Variants in CACNB4 observed in about 807,000 individuals in gnomAD.
CACNB4 encodes calcium voltage-gated channel auxiliary subunit beta 4.
Under a neutral mutation model 71.2 loss-of-function variants are expected in CACNB4, and 32 were observed. The observed-to-expected ratio is 0.45, with a 90% CI of 0.34 to 0.60. CACNB4 has a LOEUF of 0.60. CACNB4 is among the 20% of genes least tolerant of loss of function. CACNB4 has a pLI of 0.01. For missense variants in CACNB4, 464 were observed against 647.9 expected (o/e 0.72, Z 3.08); for synonymous variants, 231 against 236.9 (o/e 0.97, Z 0.23).
intron 2 of CACNB4, among the ~76,000 whole-genome samples, chr2:152,074,473 T>C (rs1686884526): frequency 6.7e-6 from 1 of 148,870 alleles, no homozygotes; most frequent in African/African-American, 2.5e-5. Flanking sequence ...CTATCACTAC[T>C]ACTGTCCCCA....
chr2:152,064,526 A>G (rs972143392), intron 2 of CACNB4, among the ~76,000 whole-genome samples: 13 of 152,106 alleles, frequency 8.5e-5, no homozygotes, highest in Non-Finnish European at 1.6e-4. Context: ...GATTACAGGC[A>G]CGCCACACCA....
intron 2 of CACNB4, among the ~76,000 whole-genome samples, chr2:151,986,191 C>T (rs924307275): frequency 6.6e-6 from 1 of 152,130 alleles, no homozygotes; most frequent in African/African-American, 2.4e-5. Context: ...CAAGGTGGCA[C>T]AATAGTGCCC....
At chr2:151,875,344 A>C (rs770613) in intron 5 of CACNB4, among the ~76,000 whole-genome samples, 88,384 of 136,768 alleles carry the variant, frequency 0.65, 30,493 homozygotes, top group Non-Finnish European at 0.79. Context: ...CCAAGGCAGA[A>C]GAATTTTTCT....
intron 2 of CACNB4, among the ~76,000 whole-genome samples, chr2:151,900,023 A>G (rs149075752): frequency 6.6e-5 from 10 of 152,340 alleles, no homozygotes; most frequent in African/African-American, 2.2e-4. Flanking sequence ...TTGGGGGAAC[A>G]GAAAACCTCA....
chr2:151,999,336 C>T (rs1413210407), intron 2 of CACNB4, among the ~76,000 whole-genome samples: 1 of 151,148 alleles, frequency 6.6e-6, no homozygotes, highest in African/African-American at 2.4e-5. Context: ...AATTTCTTTC[C>T]AGTTGATGGT....
chr2:152,085,825 A>C (rs10188761), intron 2 of CACNB4, among the ~76,000 whole-genome samples: 11,123 of 149,814 alleles, frequency 0.074, 901 homozygotes, highest in African/African-American at 0.2. Flanking sequence ...AAAAAAAAAA[A>C]AAACAAACAA....
At chr2:151,875,876 C>T (rs770615) in intron 5 of CACNB4, among the ~76,000 whole-genome samples, 122 of 129,978 alleles carry the variant, frequency 9.4e-4, no homozygotes, top group South Asian at 3.7e-3. Context: ...CCGGACGGGG[C>T]GGCTGGCCGG....
intron 2 of CACNB4, among the ~76,000 whole-genome samples, chr2:151,933,043 T>C (rs1470300539): frequency 6.6e-6 from 1 of 151,814 alleles, no homozygotes; most frequent in Non-Finnish European, 1.5e-5. Context: ...TTTGGACTTG[T>C]AGCTTTCAGA....
At chr2:152,009,366 G>C (rs764276019) in intron 2 of CACNB4, among the ~76,000 whole-genome samples, 18 of 152,144 alleles carry the variant, frequency 1.2e-4, no homozygotes, top group Admixed American at 3.3e-4. Flanking sequence ...TATCCTGGAT[G>C]AAATCATGGG....
intron 2 of CACNB4, among the ~76,000 whole-genome samples, chr2:152,022,523 G>A (rs754444480): frequency 5.9e-5 from 9 of 152,106 alleles, no homozygotes; most frequent in Non-Finnish European, 8.8e-5. Flanking sequence ...TTTTAAGTTG[G>A]ACAAGAAGTG....
chr2:151,876,250 G>A (rs2099846219), intron 5 of CACNB4, among the ~76,000 whole-genome samples, 176 bp downstream of exon 5: 1 of 152,126 alleles, frequency 6.6e-6, no homozygotes, highest in Non-Finnish European at 1.5e-5. Context: ...ATGGTCTCCA[G>A]TGGTGTTAGG....
intron 2 of CACNB4, among the ~76,000 whole-genome samples, chr2:152,063,476 T>C (rs950302582): frequency 3.9e-5 from 6 of 152,164 alleles, no homozygotes; most frequent in Non-Finnish European, 7.3e-5. Flanking sequence ...GCAATCTTGC[T>C]CTAGAGGCTG....
Position 151,839,020 on chromosome 2 carries a change from G to T in CACNB4, c.*99C>A. On this transcript the variant is annotated 3_prime_UTR_variant, in exon 14 of 14. Transcript: ENST00000539935. ...AAAATGACAGCAGCCCATTAGCACA[G>T]TAAATACTGTGCTATGTTAGCCAAG... is the stretch of plus-strand genomic sequence containing the variant. The T allele has an allele frequency of 9.0e-7, 1 of 1,108,974 alleles. No homozygotes were observed. The highest frequency in any genetic ancestry group is 1.3e-6 in the Non-Finnish European group (1 of 772,168). 68.7% of individuals were successfully genotyped at this position (1,108,974 alleles called of 1,614,324 possible). A position where few individuals can be genotyped will look rare whatever the true frequency, so the allele number is the denominator to read the frequency against.
At chr2:151,894,315 C>T (rs920997723) in intron 2 of CACNB4, among the ~76,000 whole-genome samples, 12 of 152,142 alleles carry the variant, frequency 7.9e-5, no homozygotes, top group African/African-American at 2.9e-4. Context: ...CACATTGCAT[C>T]AACAGACTGA....
chr2:151,854,418 G>C (rs547982195), intron 11 of CACNB4: 1 of 152,338 alleles, frequency 6.6e-6, no homozygotes, highest in African/African-American at 2.4e-5. Context: ...ATCTGGAGGA[G>C]AGTACAGCTT....
At chr2:152,054,742 T>C (rs1685638003) in intron 2 of CACNB4, among the ~76,000 whole-genome samples, 1 of 152,184 alleles carries the variant, frequency 6.6e-6, no homozygotes, top group African/African-American at 2.4e-5. Flanking sequence ...AAATTATCTG[T>C]CTTTTTTATT....
chr2:151,925,446 C>T (rs977709692), intron 2 of CACNB4, among the ~76,000 whole-genome samples: 3 of 152,164 alleles, frequency 2.0e-5, no homozygotes, highest in Non-Finnish European at 2.9e-5. Flanking sequence ...GGGTACCAAA[C>T]CTACAGAGCT....
At chr2:151,997,652 G>A (rs1682139457) in intron 2 of CACNB4, among the ~76,000 whole-genome samples, 1 of 152,146 alleles carries the variant, frequency 6.6e-6, no homozygotes, top group Non-Finnish European at 1.5e-5. Flanking sequence ...AATGCTAACG[G>A]CCACCAGACG....
chr2:151,972,798 C>A, intron 2 of CACNB4: 1 of 151,712 alleles, frequency 6.6e-6, no homozygotes, highest in East Asian at 1.9e-4. Context: ...CATGTATTGG[C>A]ACTGCACTCA....
Sources: gnomAD v4.1 joint callset for allele counts (sites outside exome capture counted in the v4.1 genomes callset) on GRCh38, gnomAD v4.1.1 for gene constraint, MANE v1.5 for transcripts, NCBI Gene and HGNC (gene_info 2026-07-23, HGNC 2026-07-21) for gene names.